IPO7: variants seen among roughly 807,000 people sequenced by gnomAD.
The protein encoded by IPO7 is importin-7.
IPO7 carries 13 observed loss-of-function variants against 136.4 expected under a neutral mutation model. The ratio of observed to expected loss-of-function variants is 0.10; its 90% CI spans 0.06 to 0.15. IPO7 has a LOEUF of 0.15. Among genes scored for constraint, IPO7 ranks in the 10% least tolerant of loss-of-function variants. The pLI, the probability that IPO7 is intolerant of heterozygous loss-of-function variation, is 1.00. For synonymous variants in IPO7, 403 were observed against 404.4 expected (o/e 1.00, Z 0.04); for missense variants, 857 against 1,240.6 (o/e 0.69, Z 4.65).
intron 6 of IPO7, among the ~76,000 whole-genome samples, chr11:9,418,351 G>A (rs1222293526): frequency 2.0e-5 from 3 of 152,104 alleles, no homozygotes; most frequent in Non-Finnish European, 4.4e-5. Flanking sequence ...TTACAGGTGT[G>A]AGCCACCGTG....
intron 24 of IPO7, among the ~76,000 whole-genome samples, chr11:9,443,628 C>G (rs1332325460): frequency 9.9e-5 from 14 of 141,164 alleles, no homozygotes; most frequent in Non-Finnish European, 1.8e-4. Flanking sequence ...CTTGGCCAGG[C>G]GTGGTGGCTC....
intron 22 of IPO7, among the ~76,000 whole-genome samples, chr11:9,439,074 T>A (rs1049785557): frequency 6.6e-6 from 1 of 152,004 alleles, no homozygotes; most frequent in African/African-American, 2.4e-5. Context: ...AGGAGTTTGA[T>A]TCCAGCCTGG....
At chr11:9,420,563 G>C (rs752688047) in intron 7 of IPO7, 51 bp from the exon 8 acceptor site, 2 of 1,554,662 alleles carry the variant, frequency 1.3e-6, no homozygotes, top group Admixed American at 1.7e-5. Context: ...GCTTTAAAGT[G>C]CTAGCATAAA....
intron 4 of IPO7, among the ~76,000 whole-genome samples, chr11:9,412,368 C>T (rs1398137550): frequency 1.3e-5 from 2 of 152,138 alleles, no homozygotes. Context: ...AAGAGGGATA[C>T]CAATAAATAC....
At chr11:9,395,616 C>T (rs551082782) in intron 1 of IPO7, among the ~76,000 whole-genome samples, 1 of 152,058 alleles carries the variant, frequency 6.6e-6, no homozygotes, top group Admixed American at 6.6e-5. Context: ...GTGTATGGGG[C>T]AGCTAGATGG....
intron 1 of IPO7, among the ~76,000 whole-genome samples, chr11:9,399,960 C>T (rs1854769681): frequency 6.6e-6 from 1 of 152,084 alleles, no homozygotes. Flanking sequence ...ACACTTTTCC[C>T]TTGGTAACTG....
chr11:9,390,532 G>A (rs974531767), intron 1 of IPO7, among the ~76,000 whole-genome samples: 1 of 152,194 alleles, frequency 6.6e-6, no homozygotes, highest in African/African-American at 2.4e-5. Flanking sequence ...AGAGTAGCCT[G>A]TAGTTTAGAT....
chr11:9,414,672 C>G (rs1855016574), intron 5 of IPO7: 1 of 180,854 alleles, frequency 5.5e-6, no homozygotes, highest in Non-Finnish European at 1.0e-5. Flanking sequence ...TGTCGCCCAG[C>G]TGGAGTGCAG....
At chr11:9,413,164 C>T (rs551241172) in intron 4 of IPO7, among the ~76,000 whole-genome samples, 115 of 152,006 alleles carry the variant, frequency 7.6e-4, no homozygotes, top group Non-Finnish European at 1.5e-3. Flanking sequence ...AGGCGTGAGC[C>T]ACCGCGCCCG....
intron 2 of IPO7, among the ~76,000 whole-genome samples, chr11:9,405,054 TTTAAA>T (rs1443492806): frequency 6.6e-6 from 1 of 152,194 alleles, no homozygotes; most frequent in East Asian, 1.9e-4. Context: ...AAATTATCAC[TTTAAA>T]TTAATTAATT....
At chr11:9,421,052 A>T (rs772882775) in intron 8 of IPO7, among the ~76,000 whole-genome samples, 65 of 151,908 alleles carry the variant, frequency 4.3e-4, no homozygotes, top group Middle Eastern at 3.4e-3. Context: ...TCTGCCTCCC[A>T]GGTTCAAGCG....
chr11:9,385,088 A>T (rs936023830), intron 1 of IPO7, among the ~76,000 whole-genome samples: 2 of 152,158 alleles, frequency 1.3e-5, no homozygotes, highest in East Asian at 1.9e-4. Flanking sequence ...CGGTCTAGGC[A>T]TGAGGAGCCG....
At chr11:9,393,247 T>C (rs1320313851) in intron 1 of IPO7, among the ~76,000 whole-genome samples, 3 of 152,222 alleles carry the variant, frequency 2.0e-5, no homozygotes, top group Non-Finnish European at 4.4e-5. Context: ...GGCTAAACTT[T>C]CAACCATGCC....
chr11:9,425,300 A>G, intron 12 of IPO7, 38 bp downstream of exon 12: 1 of 1,194,928 alleles, frequency 8.4e-7, no homozygotes. Flanking sequence ...TGACTATGCA[A>G]GTAGTTTTAA....
At chr11:9,416,731 A>G (rs538127649) in intron 5 of IPO7, among the ~76,000 whole-genome samples, 4 of 152,190 alleles carry the variant, frequency 2.6e-5, no homozygotes, top group Non-Finnish European at 5.9e-5. Context: ...ATAAAATTAA[A>G]TAACCATGTC....
At chr11:9,413,654 T>C (rs1291611685) in intron 4 of IPO7, among the ~76,000 whole-genome samples, 1 of 151,930 alleles carries the variant, frequency 6.6e-6, no homozygotes, top group African/African-American at 2.4e-5. Flanking sequence ...GTGAGGATAC[T>C]CATGTGGGCC....
intron 20 of IPO7, 117 bp from the exon 21 acceptor site, chr11:9,437,636 AT>A: frequency 1.4e-6 from 1 of 712,444 alleles, no homozygotes; most frequent in Non-Finnish European, 2.3e-6. Flanking sequence ...TCAGCAGTAA[AT>A]ATTGGTCATC....
At chr11:9,425,021 C>G in intron 11 of IPO7, 31 bp downstream of exon 11, 3 of 1,424,578 alleles carry the variant, frequency 2.1e-6, no homozygotes, top group Non-Finnish European at 2.9e-6. Context: ...GATAACTTTT[C>G]TGTATTATTT....
intron 4 of IPO7, among the ~76,000 whole-genome samples, chr11:9,410,809 G>A (rs551044567): frequency 7.2e-5 from 11 of 152,220 alleles, no homozygotes; most frequent in Admixed American, 2.6e-4. Context: ...GGGATATTAC[G>A]AGGAAGGCAT....
Sources: gnomAD v4.1 joint callset for allele counts (sites outside exome capture counted in the v4.1 genomes callset) on GRCh38, gnomAD v4.1.1 for gene constraint, MANE v1.5 for transcripts, NCBI Gene and HGNC (gene_info 2026-07-23, HGNC 2026-07-21) for gene names.